SPOCK1: variants seen among roughly 807,000 people sequenced by gnomAD.
SPOCK1 encodes SPARC (osteonectin), cwcv and kazal like domains proteoglycan 1.
A neutral mutation model predicts 55.3 loss-of-function variants in SPOCK1; 23 were observed. The observed-to-expected ratio is 0.42, with a 90% CI of 0.30 to 0.59. The LOEUF is 0.59. Ranked by LOEUF, SPOCK1 falls within the 20% of genes least tolerant of loss-of-function variation. The probability of loss-of-function intolerance (pLI) is 0.22; values close to 1 mark genes in which losing one functional copy is unlikely to be tolerated. For missense variants in SPOCK1, 499 were observed against 552.5 expected (o/e 0.90, Z 0.97); for synonymous variants, 226 against 221.0 (o/e 1.02, Z -0.20).
intron 3 of SPOCK1, among the ~76,000 whole-genome samples, chr5:137,158,671 C>T (rs1221363403): frequency 6.6e-6 from 1 of 151,920 alleles, no homozygotes; most frequent in East Asian, 1.9e-4. Flanking sequence ...ATGAAATTTA[C>T]ACAGAACACT....
At chr5:137,399,358 T>G (rs1015597851) in intron 2 of SPOCK1, among the ~76,000 whole-genome samples, 1 of 145,838 alleles carries the variant, frequency 6.9e-6, no homozygotes, top group African/African-American at 2.7e-5. Flanking sequence ...ATTGCCTCTT[T>G]ATTGTTTGTT....
intron 2 of SPOCK1, among the ~76,000 whole-genome samples, chr5:137,391,878 T>C (rs1416193552): frequency 3.9e-5 from 6 of 152,018 alleles, no homozygotes; most frequent in Admixed American, 3.9e-4. Context: ...TGGCTGCCAA[T>C]CTCCCTGAGT....
At chr5:137,476,433 G>T (rs1753839554) in intron 2 of SPOCK1, among the ~76,000 whole-genome samples, 1 of 152,184 alleles carries the variant, frequency 6.6e-6, no homozygotes, top group African/African-American at 2.4e-5. Flanking sequence ...AGTCAGCATT[G>T]TGTTTTAGAA....
rs1003804983 is a variant in SPOCK1 at position 137,105,332 on chromosome 5, G to A, written c.474+7103C>T. On this transcript the variant is annotated intron_variant, in intron 5 of 10. Transcript: ENST00000394945. Reference sequence around the variant, plus strand: ...CAAGTAAAGCCAATTTTCAACCCACGGGTCTGGTGGGAGCAGGACTATCCA... The same window carrying A: ...CAAGTAAAGCCAATTTTCAACCCACAGGTCTGGTGGGAGCAGGACTATCCA... 3.3e-5 allele frequency among the ~76,000 whole-genome samples: 5 copies of A among 152,028 alleles called. No homozygotes were observed. The East Asian group carries it at 7.7e-4, about 23-fold the overall frequency.
At chr5:137,231,140 G>A (rs754120726) in intron 3 of SPOCK1, among the ~76,000 whole-genome samples, 2 of 151,940 alleles carry the variant, frequency 1.3e-5, no homozygotes, top group Admixed American at 6.6e-5. Context: ...ACCTTCCCGG[G>A]TTCAAGTGAT....
chr5:137,031,572 A>C (rs929957316), intron 6 of SPOCK1, among the ~76,000 whole-genome samples: 1 of 152,234 alleles, frequency 6.6e-6, no homozygotes, highest in African/African-American at 2.4e-5. Flanking sequence ...TCTTCCTTGT[A>C]AATTATACGT....
At chr5:137,191,736 C>T (rs1413171622) in intron 3 of SPOCK1, among the ~76,000 whole-genome samples, 3 of 152,126 alleles carry the variant, frequency 2.0e-5, no homozygotes, top group Non-Finnish European at 4.4e-5. Flanking sequence ...ACCTTCACTG[C>T]CTTTGGCCAA....
intron 2 of SPOCK1, among the ~76,000 whole-genome samples, chr5:137,430,031 G>A (rs1446474735): frequency 1.3e-5 from 2 of 152,156 alleles, no homozygotes; most frequent in Non-Finnish European, 2.9e-5. Flanking sequence ...CAAGTACTTG[G>A]GAAGGCAGGA....
At chr5:137,039,605 C>T (rs562748586) in intron 6 of SPOCK1, among the ~76,000 whole-genome samples, 2 of 152,324 alleles carry the variant, frequency 1.3e-5, no homozygotes, top group South Asian at 2.1e-4. Flanking sequence ...GCAACAGGTC[C>T]CACGCCCCCA....
intron 2 of SPOCK1, among the ~76,000 whole-genome samples, chr5:137,275,696 C>G (rs927154709): frequency 2.0e-5 from 3 of 152,184 alleles, no homozygotes; most frequent in Admixed American, 6.5e-5. Context: ...GCTTCTGGAG[C>G]TTTCCAGAGT....
intron 2 of SPOCK1, 73 bp from the exon 3 acceptor site, chr5:137,267,128 C>T (rs1303810239): frequency 2.3e-6 from 3 of 1,312,504 alleles, no homozygotes; most frequent in African/African-American, 1.5e-5. Flanking sequence ...AAAAACCTGC[C>T]TTCCTTTTCA....
At chr5:137,363,301 C>T (rs1259411058) in intron 2 of SPOCK1, among the ~76,000 whole-genome samples, 1 of 152,158 alleles carries the variant, frequency 6.6e-6, no homozygotes, top group Non-Finnish European at 1.5e-5. Flanking sequence ...CACCTCATTT[C>T]TTTACAAAAG....
chr5:137,086,376 C>A (rs549178467), intron 5 of SPOCK1, among the ~76,000 whole-genome samples: 1 of 152,156 alleles, frequency 6.6e-6, no homozygotes, highest in African/African-American at 2.4e-5. Flanking sequence ...GGGAAGACAC[C>A]GCACCCAGGC....
At chr5:137,498,738 G>C (rs1412524898) in intron 1 of SPOCK1, 180 bp from the exon 2 acceptor site, 2 of 305,604 alleles carry the variant, frequency 6.5e-6, no homozygotes, top group Admixed American at 5.5e-5. Context: ...CACGAATGGG[G>C]GACTCATCTA....
intron 2 of SPOCK1, among the ~76,000 whole-genome samples, chr5:137,349,348 T>C (rs1227540195): frequency 6.6e-6 from 1 of 152,156 alleles, no homozygotes; most frequent in East Asian, 1.9e-4. Context: ...AAATAGTCAA[T>C]ATTATTGAGT....
chr5:137,374,099 T>C (rs1751261528), intron 2 of SPOCK1, among the ~76,000 whole-genome samples: 1 of 152,246 alleles, frequency 6.6e-6, no homozygotes, highest in Non-Finnish European at 1.5e-5. Flanking sequence ...CTAATGGAGA[T>C]TGCATGCACT....
intron 2 of SPOCK1, among the ~76,000 whole-genome samples, chr5:137,355,099 CA>C (rs1033528305): frequency 2.0e-5 from 3 of 152,082 alleles, no homozygotes; most frequent in African/African-American, 7.2e-5. Context: ...GATGGGGTTT[CA>C]CCATGTTGCC....
rs879256722 is a variant in SPOCK1 at position 137,154,439 on chromosome 5, CAGGAGA to C, written c.233-13751_233-13746del. On this transcript the variant is annotated intron_variant, in intron 3 of 10. Coordinates refer to ENST00000394945, the MANE Select transcript of SPOCK1 (RefSeq NM_004598.4). ...GATCTGCTGAGGAACAGTGCAATCC[CAGGAGA>C]GGGATTGCAAGGGCCCCAGGATGGG... is the stretch of plus-strand genomic sequence containing the variant. Among the ~76,000 whole-genome samples the C allele has an allele frequency of 9.2e-3, 1,399 of 152,244 alleles. 9 individuals are homozygous for C. Among genetic ancestry groups the C allele is most frequent in the Middle Eastern group, 0.078 (23 of 294 alleles).
intron 6 of SPOCK1, among the ~76,000 whole-genome samples, chr5:137,008,769 C>G (rs1007418377): frequency 1.3e-5 from 2 of 152,044 alleles, no homozygotes; most frequent in Non-Finnish European, 2.9e-5. Flanking sequence ...GAATTAAAAG[C>G]TGAGTAATAT....
Sources: gnomAD v4.1 joint callset for allele counts (sites outside exome capture counted in the v4.1 genomes callset) on GRCh38, gnomAD v4.1.1 for gene constraint, MANE v1.5 for transcripts, NCBI Gene and HGNC (gene_info 2026-07-23, HGNC 2026-07-21) for gene names.